Variants in BTNL8 observed in about 807,000 individuals in gnomAD.
The protein encoded by BTNL8 is butyrophilin-like protein 8.
BTNL8 carries 22 observed loss-of-function variants against 36.1 expected under a neutral mutation model. The ratio of observed to expected loss-of-function variants is 0.61; its 90% confidence interval spans 0.44 to 0.87. The LOEUF is 0.87. BTNL8 is among the 40% of genes least tolerant of loss of function. The pLI, the probability that BTNL8 is intolerant of heterozygous loss-of-function variation, is 0.00. For synonymous variants in BTNL8, 203 were observed against 235.6 expected, an observed-to-expected ratio of 0.86 and a Z score of 1.27; for missense variants, 526 against 616.9, an observed-to-expected ratio of 0.85 and a Z score of 1.56.
chr5:180,902,242 C>A, intron 1 of BTNL8: 1 of 1,024,864 alleles, frequency 9.8e-7, no homozygotes, highest in Non-Finnish European at 1.4e-6. Flanking sequence ...GCAATAGAAC[C>A]TCCTGGAATC....
chr5:180,922,891 A>G (rs2113810066), intron 3 of BTNL8, among the ~76,000 whole-genome samples: 1 of 152,204 alleles, frequency 6.6e-6, no homozygotes, highest in East Asian at 1.9e-4. Context: ...GGGTGCATAT[A>G]TATTCAGGAT....
At chr5:180,947,461 T>C (rs2113867842) in intron 3 of BTNL8, 51 bp from the exon 4 acceptor site, 1 of 1,596,244 alleles carries the variant, frequency 6.3e-7, no homozygotes, top group Non-Finnish European at 8.6e-7. Flanking sequence ...AAGAATTGAA[T>C]TGTGTCTTTT....
chr5:180,924,743 C>T (rs772827689), intron 3 of BTNL8, among the ~76,000 whole-genome samples: 24 of 152,130 alleles, frequency 1.6e-4, no homozygotes, highest in Non-Finnish European at 2.4e-4. Flanking sequence ...AACACAAAGA[C>T]AGAAGGATTA....
intron 5 of BTNL8, 112 bp downstream of exon 5, chr5:180,948,487 G>T (rs1054047833): frequency 4.4e-6 from 7 of 1,608,210 alleles, no homozygotes; most frequent in Non-Finnish European, 5.9e-6. Flanking sequence ...AGGAAGCACC[G>T]GCAGGTGGAG....
At chr5:180,949,745 G>T in intron 7 of BTNL8, 159 bp from the exon 8 acceptor site, 1 of 920,460 alleles carries the variant, frequency 1.1e-6, no homozygotes, top group Admixed American at 2.9e-5. Flanking sequence ...CTGCACTGGT[G>T]ATGAGAGGAC....
At position 180,908,569 on chromosome 5, in the gene BTNL8, T is replaced by C; in HGVS notation, c.50-17T>C. On this transcript the variant is annotated splice_polypyrimidine_tract_variant and intron_variant, in intron 1 of 7. Transcript: ENST00000340184. ...CAAAGGGTTTTGATGATTTATCTTTTGTATGTCTTCCCACAGGGCAGTGGC... is the reference window on the plus strand; with the variant it reads ...CAAAGGGTTTTGATGATTTATCTTTCGTATGTCTTCCCACAGGGCAGTGGC... 6.2e-7 allele frequency: 1 copy of C among 1,610,564 alleles called. No homozygotes were observed. The highest frequency in any genetic ancestry group is 2.2e-5 in the East Asian group (1 of 44,826).
Position 180,911,319 on chromosome 5 carries a change from G to A in BTNL8, c.398-20G>A, listed in dbSNP as rs763995785. ...TGGGATGTGATCTTTGCTTTCAACCGTTCCCTGTTTTCTCCCCAGCACTGG... is the reference window on the plus strand; with the variant it reads ...TGGGATGTGATCTTTGCTTTCAACCATTCCCTGTTTTCTCCCCAGCACTGG... On this transcript the variant is annotated intron_variant, in intron 2 of 7. Coordinates refer to ENST00000340184, the MANE Select transcript of BTNL8 (RefSeq NM_001040462.3). 2.2e-5 allele frequency: 35 copies of A among 1,612,042 alleles called. No homozygotes were observed. The highest frequency in any genetic ancestry group is 1.0e-4 in the Admixed American group (6 of 59,932).
chr5:180,909,943 CTA>C (rs1757314011), intron 2 of BTNL8: 1 of 152,138 alleles, frequency 6.6e-6, no homozygotes, highest in African/African-American at 2.4e-5. Flanking sequence ...TTAAAAACCA[CTA>C]TGAGTGATAT....
chr5:180,899,442 G>C (rs1057495953), intron 1 of BTNL8, 83 bp downstream of exon 1: 7 of 1,466,268 alleles, frequency 4.8e-6, no homozygotes, highest in Admixed American at 3.4e-5. Context: ...TGGAATGAAG[G>C]CATCTTTGTC....
intron 3 of BTNL8, among the ~76,000 whole-genome samples, chr5:180,927,405 A>G (rs2113821213): frequency 6.6e-6 from 1 of 152,318 alleles, no homozygotes; most frequent in Middle Eastern, 3.4e-3. Flanking sequence ...AAATTCCTAA[A>G]ACCAGAATGC....
intron 3 of BTNL8, among the ~76,000 whole-genome samples, chr5:180,938,540 CTTTCT>C (rs1314539199): frequency 4.9e-4 from 68 of 139,616 alleles, no homozygotes; most frequent in African/African-American, 2.0e-3. Context: ...TCCTTCCTTT[CTTTCT>C]TTTTTTTTTT....
chr5:180,912,710 A>T (rs1247503182), intron 3 of BTNL8, among the ~76,000 whole-genome samples: 1 of 152,168 alleles, frequency 6.6e-6, no homozygotes, highest in Non-Finnish European at 1.5e-5. Context: ...AACAAACAAA[A>T]CAAAAAGCAC....
Position 180,938,162 on chromosome 5 carries a change from T to C in BTNL8, c.674-9350T>C, listed in dbSNP as rs139732018. Reference sequence around the variant, plus strand: ...GGTATTTTGAAATAACCCAGTCTGATGAAAAAAAGAAAGAGAAAAAAGAAT... The same window carrying C: ...GGTATTTTGAAATAACCCAGTCTGACGAAAAAAAGAAAGAGAAAAAAGAAT... On this transcript the variant is annotated intron_variant, in intron 3 of 7. Coordinates refer to ENST00000340184, the MANE Select transcript of BTNL8 (RefSeq NM_001040462.3). Among the ~76,000 whole-genome samples, 68 of 152,032 alleles carry C rather than the reference T, an allele frequency of 4.5e-4. 1 individual carries two copies. In the East Asian group the frequency reaches 0.012, roughly 28 times the overall value.
In BTNL8 at chr5:180,950,371, A is replaced by ATT; in HGVS notation, c.1331_1332dup (p.Glu445LeufsTer14). 1 of 1,463,168 alleles carries ATT rather than the reference A, an allele frequency of 6.8e-7. No homozygotes were observed. Among genetic ancestry groups the ATT allele is most frequent in the Non-Finnish European group, 9.4e-7 (1 of 1,058,956 alleles). The allele number at this position is 1,463,168 out of a possible 1,614,324, so 90.6% of individuals were successfully genotyped here. A position where few individuals can be genotyped will look rare whatever the true frequency, so the allele number is the denominator to read the frequency against. On this transcript the variant is annotated frameshift_variant, in exon 8 of 8. Coordinates refer to ENST00000340184, the MANE Select transcript of BTNL8 (RefSeq NM_001040462.3). LOFTEE classifies it low-confidence loss of function (END_TRUNC). ...GTTTGAAGGCTTATTGAGGCCCTACATTGAGTATCCGTCCTATAATGAGCA... is the reference window on the plus strand; with the variant it reads ...GTTTGAAGGCTTATTGAGGCCCTACATTTTGAGTATCCGTCCTATAATGAGCA...
intron 3 of BTNL8, among the ~76,000 whole-genome samples, chr5:180,921,682 CACACACACACACAG>C (rs1757867393): frequency 6.6e-6 from 1 of 151,678 alleles, no homozygotes; most frequent in Non-Finnish European, 1.5e-5. Flanking sequence ...CACACACACA[CACACACACACACAG>C]ACACACACAC....
At chr5:180,910,487 A>G (rs532787004) in intron 2 of BTNL8, among the ~76,000 whole-genome samples, 2 of 152,312 alleles carry the variant, frequency 1.3e-5, no homozygotes, top group Admixed American at 6.5e-5. Context: ...ACAAAAGAAT[A>G]TAAGTTAGGC....
chr5:180,908,853 T>A lies in BTNL8; in HGVS notation c.317T>A (p.Val106Glu). 6.2e-7 allele frequency: 1 copy of A among 1,614,196 alleles called. No individual in the cohort carries two copies. The highest frequency in any genetic ancestry group is 8.5e-7 in the Non-Finnish European group (1 of 1,180,046). Residue 106 changes from valine to glutamate, a missense_variant, in exon 2 of 8, where the codon GTG (valine) becomes GAG (glutamate). This residue lies in a region of BTNL8 where 350 missense variants were observed against 324.6 expected (regional missense o/e 1.08). Transcript: ENST00000340184. ...RISLRLENITVLDAGLYGCRI... is the reference protein window; with the variant it reads ...RISLRLENITELDAGLYGCRI... ...TCTCTGAGGCTGGAAAACATTACTGTGTTGGATGCTGGCCTCTATGGGTGC... is the reference window on the plus strand; with the variant it reads ...TCTCTGAGGCTGGAAAACATTACTGAGTTGGATGCTGGCCTCTATGGGTGC...
chr5:180,918,979 T>C (rs1390385781), intron 3 of BTNL8, among the ~76,000 whole-genome samples: 1 of 152,210 alleles, frequency 6.6e-6, no homozygotes, highest in Non-Finnish European at 1.5e-5. Flanking sequence ...TAAAAATTGC[T>C]AGACTCTCAG....
chr5:180,907,717 CTGTT>C (rs1233659455), intron 1 of BTNL8, among the ~76,000 whole-genome samples: 5 of 152,030 alleles, frequency 3.3e-5, no homozygotes, highest in African/African-American at 1.2e-4. Flanking sequence ...GATGTCCTTT[CTGTT>C]TGTTTTCCTT....
Sources: gnomAD v4.1 joint callset for allele counts (sites outside exome capture counted in the v4.1 genomes callset) on GRCh38, gnomAD v4.1.1 for gene constraint, gnomAD v4.1.1 regional missense constraint, MANE v1.5 for transcripts, NCBI Gene and HGNC (gene_info 2026-07-23, HGNC 2026-07-21) for gene names.